Variants in PLPP4 observed in about 807,000 individuals in gnomAD.
The protein encoded by PLPP4 is diacylglycerol pyrophosphate like 2.
Under a neutral mutation model 32.2 loss-of-function variants are expected in PLPP4, and 20 were observed. That is an observed-to-expected ratio of 0.62 (90% confidence interval 0.44 to 0.90). The LOEUF is 0.90. Among genes scored for constraint, PLPP4 ranks in the 40% least tolerant of loss-of-function variants. PLPP4 has a pLI of 0.00. For synonymous variants in PLPP4, 127 were observed against 133.0 expected, an observed-to-expected ratio of 0.95 and a Z score of 0.31; for missense variants, 257 against 353.1, an observed-to-expected ratio of 0.73 and a Z score of 2.18.
At position 120,473,769 on chromosome 10, in the gene PLPP4, C is replaced by G. The variant is rs1025587245; in HGVS notation, c.56+16408C>G. ...TGAAAGTGAGTGGCACTTCCCCCTT[C>G]ACTCTCTCTCTCCCCTGCTGCCAGG... On this transcript the variant is annotated intron_variant, in intron 1 of 6. Transcript: ENST00000398250. 3.3e-5 allele frequency among the ~76,000 whole-genome samples: 5 copies of G among 152,112 alleles called. No individual in the cohort carries two copies. In the East Asian group the frequency reaches 9.7e-4, roughly 29 times the overall value.
intron 1 of PLPP4, among the ~76,000 whole-genome samples, chr10:120,481,314 A>T (rs1243839137): frequency 6.6e-6 from 1 of 152,164 alleles, no homozygotes; most frequent in African/African-American, 2.4e-5. Context: ...GCTGTCATGG[A>T]TGGAGGGTGT....
intron 5 of PLPP4, among the ~76,000 whole-genome samples, chr10:120,561,667 C>G (rs1418777603): frequency 3.3e-5 from 5 of 152,190 alleles, no homozygotes; most frequent in African/African-American, 1.2e-4. Flanking sequence ...CTTGCTCATG[C>G]TATGCATACA....
At chr10:120,556,237 T>C (rs1430001881) in intron 5 of PLPP4, among the ~76,000 whole-genome samples, 1 of 152,216 alleles carries the variant, frequency 6.6e-6, no homozygotes, top group Non-Finnish European at 1.5e-5. Flanking sequence ...GAAGTAACTT[T>C]TGATCACACT....
At chr10:120,567,014 G>A (rs1178440022) in intron 5 of PLPP4, among the ~76,000 whole-genome samples, 1 of 152,188 alleles carries the variant, frequency 6.6e-6, no homozygotes, top group Non-Finnish European at 1.5e-5. Context: ...TCGGGGCCAA[G>A]TGTGGATCTC....
intron 2 of PLPP4, among the ~76,000 whole-genome samples, chr10:120,505,223 G>C (rs188720724): frequency 3.9e-5 from 6 of 152,320 alleles, no homozygotes; most frequent in African/African-American, 1.4e-4. Context: ...AGGTTCTAGC[G>C]GCCAGCTCTT....
At chr10:120,524,142 C>G (rs1258429572) in intron 5 of PLPP4, among the ~76,000 whole-genome samples, 1 of 152,160 alleles carries the variant, frequency 6.6e-6, no homozygotes, top group African/African-American at 2.4e-5. Flanking sequence ...TCTACCCAGT[C>G]TGTAGGCTTT....
At chr10:120,465,446 A>G (rs1032602067) in intron 1 of PLPP4, among the ~76,000 whole-genome samples, 1 of 152,180 alleles carries the variant, frequency 6.6e-6, no homozygotes, top group Non-Finnish European at 1.5e-5. Flanking sequence ...AGAAAGGAGG[A>G]ACTAGTTGTT....
chr10:120,544,804 C>T (rs1847533436), intron 5 of PLPP4, among the ~76,000 whole-genome samples: 1 of 152,178 alleles, frequency 6.6e-6, no homozygotes, highest in South Asian at 2.1e-4. Flanking sequence ...ATCAGACTGG[C>T]AGGAGGGCCC....
chr10:120,540,553 C>T (rs1302250733), intron 5 of PLPP4, among the ~76,000 whole-genome samples: 2 of 152,110 alleles, frequency 1.3e-5, no homozygotes, highest in South Asian at 2.1e-4. Context: ...GAAGAGGCAT[C>T]GCATCCTCCT....
At chr10:120,469,696 A>G (rs1050197474) in intron 1 of PLPP4, among the ~76,000 whole-genome samples, 4 of 152,198 alleles carry the variant, frequency 2.6e-5, no homozygotes, top group Admixed American at 2.0e-4. Flanking sequence ...AACCACTTCA[A>G]CTTTCTCTGC....
At chr10:120,562,647 C>A (rs1383593944) in intron 5 of PLPP4, among the ~76,000 whole-genome samples, 2 of 152,102 alleles carry the variant, frequency 1.3e-5, no homozygotes, top group African/African-American at 4.8e-5. Context: ...TGATACTTTC[C>A]CTTTGATGTG....
intron 5 of PLPP4, among the ~76,000 whole-genome samples, chr10:120,534,936 C>T (rs1157113041): frequency 6.6e-5 from 10 of 152,220 alleles, no homozygotes; most frequent in South Asian, 6.2e-4. Flanking sequence ...TTAAATCTGG[C>T]ATCTGGTGGC....
intron 1 of PLPP4, among the ~76,000 whole-genome samples, chr10:120,461,141 G>A (rs745349010): frequency 6.6e-6 from 1 of 152,208 alleles, no homozygotes; most frequent in Non-Finnish European, 1.5e-5. Context: ...CCTCAAAGGT[G>A]GAGGGATGGC....
intron 1 of PLPP4, among the ~76,000 whole-genome samples, chr10:120,463,561 A>C (rs905835530): frequency 4.3e-4 from 65 of 152,228 alleles, no homozygotes; most frequent in African/African-American, 1.5e-3. Context: ...TATAACAAAA[A>C]TTGGTAACTT....
chr10:120,513,766 T>C, intron 2 of PLPP4, 145 bp from the exon 3 acceptor site: 2 of 463,028 alleles, frequency 4.3e-6, no homozygotes, highest in Non-Finnish European at 3.7e-6. Context: ...ACATCATCCT[T>C]TTTTTTTTGT....
intron 5 of PLPP4, among the ~76,000 whole-genome samples, chr10:120,568,449 C>T (rs1404806521): frequency 1.3e-5 from 2 of 152,186 alleles, no homozygotes; most frequent in Admixed American, 6.5e-5. Flanking sequence ...AAGGGCTTCT[C>T]CTGAAGTCCA....
At chr10:120,578,500 A>C (rs1424479093) in intron 6 of PLPP4, among the ~76,000 whole-genome samples, 1 of 152,174 alleles carries the variant, frequency 6.6e-6, no homozygotes, top group Non-Finnish European at 1.5e-5. Flanking sequence ...ACTCCATTTC[A>C]ATTTTGATTT....
chr10:120,460,639 C>T (rs1282499768), intron 1 of PLPP4, among the ~76,000 whole-genome samples: 1 of 152,028 alleles, frequency 6.6e-6, no homozygotes, highest in Non-Finnish European at 1.5e-5. Flanking sequence ...AAGGAACTTC[C>T]CAAGTAACAG....
intron 5 of PLPP4, among the ~76,000 whole-genome samples, 178 bp from the exon 6 acceptor site, chr10:120,574,953 G>T (rs539136235): frequency 3.3e-5 from 5 of 152,188 alleles, no homozygotes; most frequent in South Asian, 4.1e-4. Context: ...TATTCTTATG[G>T]TTGAAAGTTT....
Sources: allele counts gnomAD v4.1 joint callset (sites outside exome capture counted in the v4.1 genomes callset), GRCh38; gene constraint gnomAD v4.1.1; transcripts MANE v1.5; gene names NCBI Gene and HGNC (gene_info 2026-07-23, HGNC 2026-07-21).